Variants in EIPR1 observed in about 807,000 individuals in gnomAD.
EIPR1 encodes the protein EARP and GARP complex-interacting protein 1.
EIPR1 carries 25 observed loss-of-function variants against 48.1 expected under a neutral mutation model. The observed-to-expected ratio is 0.52, with a 90% CI of 0.38 to 0.73. The LOEUF (loss-of-function observed/expected upper bound fraction) is 0.73, where lower values mean the gene tolerates loss of function less well. EIPR1 is among the 30% of genes least tolerant of loss of function. EIPR1 has a pLI of 0.00. For synonymous variants in EIPR1, 204 were observed against 201.9 expected (o/e 1.01, Z -0.09); for missense variants, 415 against 506.2 (o/e 0.82, Z 1.73).
At chr2:3,368,225 C>A (rs1671023989) in intron 1 of EIPR1, among the ~76,000 whole-genome samples, 1 of 152,192 alleles carries the variant, frequency 6.6e-6, no homozygotes, top group East Asian at 1.9e-4. Flanking sequence ...GATCTCAGGA[C>A]TCCAGGAGAA....
intron 3 of EIPR1, chr2:3,318,770 A>G: frequency 2.2e-6 from 1 of 453,942 alleles, no homozygotes; most frequent in South Asian, 1.6e-5. Context: ...GCCAAAATAC[A>G]TCTGGTGACG....
intron 3 of EIPR1, among the ~76,000 whole-genome samples, chr2:3,259,446 T>A (rs1226027818): frequency 2.0e-5 from 3 of 152,212 alleles, no homozygotes; most frequent in African/African-American, 7.2e-5. Flanking sequence ...TTTTCCACTC[T>A]CAGGTAAGCT....
chr2:3,216,141 T>C (rs139817420), intron 4 of EIPR1, among the ~76,000 whole-genome samples: 82 of 152,278 alleles, frequency 5.4e-4, no homozygotes, highest in African/African-American at 1.9e-3. Flanking sequence ...GACAGCTTGA[T>C]AGTAAATTCC....
chr2:3,250,182 A>G (rs1407803008), intron 4 of EIPR1, among the ~76,000 whole-genome samples: 6 of 152,210 alleles, frequency 3.9e-5, no homozygotes, highest in Admixed American at 3.9e-4. Context: ...GAGCCTGGAA[A>G]AACCAAAAGC....
chr2:3,235,878 C>CTCAG (rs1666389455), intron 4 of EIPR1, among the ~76,000 whole-genome samples: 1 of 152,186 alleles, frequency 6.6e-6, no homozygotes, highest in African/African-American at 2.4e-5. Flanking sequence ...CATCACCTGA[C>CTCAG]CATTGCATCC....
intron 5 of EIPR1, among the ~76,000 whole-genome samples, chr2:3,200,876 G>C (rs917348864): frequency 2.0e-5 from 3 of 152,104 alleles, no homozygotes; most frequent in African/African-American, 7.2e-5. Flanking sequence ...CTGTCAGCAG[G>C]ACAGAGTGAC....
At chr2:3,316,257 A>C (rs1572433332) in intron 3 of EIPR1, among the ~76,000 whole-genome samples, 22 of 126,842 alleles carry the variant, frequency 1.7e-4, no homozygotes, top group Admixed American at 4.1e-4. Flanking sequence ...CACCATCCCC[A>C]CTCCCACCCC....
At chr2:3,268,852 G>A (rs1667577014) in intron 3 of EIPR1, among the ~76,000 whole-genome samples, 1 of 152,152 alleles carries the variant, frequency 6.6e-6, no homozygotes, top group Non-Finnish European at 1.5e-5. Flanking sequence ...GACTTTGGTG[G>A]GGCTTTTTGA....
At chr2:3,190,392 G>A (rs867657145) in intron 8 of EIPR1, among the ~76,000 whole-genome samples, 5 of 152,134 alleles carry the variant, frequency 3.3e-5, no homozygotes, top group East Asian at 1.9e-4. Flanking sequence ...TCCAGAACTC[G>A]CATGGTCTCT....
intron 3 of EIPR1, among the ~76,000 whole-genome samples, chr2:3,329,659 C>T (rs1232391908): frequency 2.6e-5 from 4 of 151,882 alleles, no homozygotes; most frequent in Admixed American, 2.6e-4. Context: ...CCTGGCTCCC[C>T]TGAATCAGAG....
intron 3 of EIPR1, among the ~76,000 whole-genome samples, chr2:3,280,490 T>TC (rs938180597): frequency 6.6e-6 from 1 of 151,982 alleles, no homozygotes; most frequent in Non-Finnish European, 1.5e-5. Flanking sequence ...TCTGCTTGTC[T>TC]CCCCCAACTT....
At chr2:3,340,395 C>A (rs1229982995) in intron 2 of EIPR1, among the ~76,000 whole-genome samples, 7 of 152,240 alleles carry the variant, frequency 4.6e-5, no homozygotes, top group Non-Finnish European at 8.8e-5. Flanking sequence ...CCGCCCTCTC[C>A]ATTCGGGGAA....
At chr2:3,326,658 G>A (rs762866769) in intron 3 of EIPR1, among the ~76,000 whole-genome samples, 5 of 152,128 alleles carry the variant, frequency 3.3e-5, no homozygotes, top group East Asian at 1.9e-4. Context: ...CCCATTCCGC[G>A]TCACACACAT....
intron 4 of EIPR1, among the ~76,000 whole-genome samples, chr2:3,216,326 C>G (rs1182834617): frequency 6.6e-6 from 1 of 152,014 alleles, no homozygotes; most frequent in African/African-American, 2.4e-5. Flanking sequence ...GTGCTTCCCA[C>G]CAAAAAACAA....
intron 3 of EIPR1, among the ~76,000 whole-genome samples, chr2:3,324,756 G>A (rs958086222): frequency 6.6e-6 from 1 of 152,228 alleles, no homozygotes; most frequent in Admixed American, 6.5e-5. Context: ...CCAGCCTCGT[G>A]GGCCCCGGTC....
intron 4 of EIPR1, among the ~76,000 whole-genome samples, chr2:3,227,881 G>A (rs968364251): frequency 9.2e-5 from 14 of 152,260 alleles, no homozygotes; most frequent in African/African-American, 3.1e-4. Context: ...TACCGAGCCC[G>A]TGGGTGAAAA....
At chr2:3,245,392 T>C (rs1666765287) in intron 4 of EIPR1, among the ~76,000 whole-genome samples, 1 of 152,132 alleles carries the variant, frequency 6.6e-6, no homozygotes, top group South Asian at 2.1e-4. Flanking sequence ...TTTGTATTTT[T>C]AGTAGGGACA....
Position 3,348,929 on chromosome 2 carries a change from T to C in EIPR1, c.126+5621A>G, listed in dbSNP as rs1421887992. 2.0e-5 allele frequency among the ~76,000 whole-genome samples: 3 copies of C among 152,152 alleles called. No homozygotes were observed. The East Asian group carries it at 5.8e-4, about 29-fold the overall frequency. On this transcript the variant is annotated intron_variant, in intron 2 of 8. Coordinates refer to ENST00000382125, the MANE Select transcript of EIPR1 (RefSeq NM_003310.5). ...CAGCCAGTGGAGCCTTCCCGGCGTC[T>C]CTCCTGGTCTGTGCACATGCGCACA... is the stretch of plus-strand genomic sequence containing the variant.
chr2:3,233,612 C>T (rs1256668283), intron 4 of EIPR1, among the ~76,000 whole-genome samples: 3 of 152,222 alleles, frequency 2.0e-5, no homozygotes, highest in Admixed American at 1.3e-4. Flanking sequence ...CTTTAATCTG[C>T]GTTTTCTAAC....
Sources: allele counts gnomAD v4.1 joint callset (sites outside exome capture counted in the v4.1 genomes callset), GRCh38; gene constraint gnomAD v4.1.1; transcripts MANE v1.5; gene names NCBI Gene and HGNC (gene_info 2026-07-23, HGNC 2026-07-21).